CDH18: variants seen among roughly 807,000 people sequenced by gnomAD.
The protein encoded by CDH18 is cadherin-18.
Under a neutral mutation model 67.9 loss-of-function variants are expected in CDH18, and 31 were observed. That is an observed-to-expected ratio of 0.46 (90% CI 0.34 to 0.62). The LOEUF (loss-of-function observed/expected upper bound fraction) is 0.62, where lower values mean the gene tolerates loss of function less well. Ranked by LOEUF, CDH18 falls within the 20% of genes least tolerant of loss-of-function variation. The pLI is 0.01. For missense variants in CDH18, 890 were observed against 975.5 expected, an observed-to-expected ratio of 0.91 and a Z score of 1.17; for synonymous variants, 362 against 347.2, an observed-to-expected ratio of 1.04 and a Z score of -0.48.
chr5:19,555,238 C>T (rs2127170185), intron 8 of CDH18, among the ~76,000 whole-genome samples: 1 of 152,266 alleles, frequency 6.6e-6, no homozygotes, highest in East Asian at 1.9e-4. Context: ...CAAGAACTAC[C>T]ACAGGAACAT....
At chr5:19,508,263 T>C (rs900643992) in intron 10 of CDH18, among the ~76,000 whole-genome samples, 4 of 152,142 alleles carry the variant, frequency 2.6e-5, no homozygotes, top group African/African-American at 4.8e-5. Flanking sequence ...AACATGTTTA[T>C]GGTTTTTAGA....
At chr5:20,489,353 T>C (rs1027985578) in intron 1 of CDH18, among the ~76,000 whole-genome samples, 1 of 152,074 alleles carries the variant, frequency 6.6e-6, no homozygotes, top group Non-Finnish European at 1.5e-5. Context: ...TACATGTGGG[T>C]AAATTGGTCC....
At chr5:20,086,788 T>C (rs1744992341) in intron 2 of CDH18, among the ~76,000 whole-genome samples, 1 of 152,150 alleles carries the variant, frequency 6.6e-6, no homozygotes, top group Admixed American at 6.5e-5. Context: ...ATACTAATGC[T>C]CATTGATAAG....
intron 2 of CDH18, among the ~76,000 whole-genome samples, chr5:20,088,876 G>C (rs1252963596): frequency 6.6e-6 from 1 of 152,098 alleles, no homozygotes; most frequent in Non-Finnish European, 1.5e-5. Context: ...TTGTTCTGAT[G>C]TGACTCACTA....
intron 2 of CDH18, among the ~76,000 whole-genome samples, chr5:20,206,650 C>A (rs554458450): frequency 6.6e-6 from 1 of 151,812 alleles, no homozygotes; most frequent in East Asian, 1.9e-4. Flanking sequence ...GGGTTCATCC[C>A]AGGATAAGTA....
chr5:19,580,902 A>T (rs546336585), intron 7 of CDH18, among the ~76,000 whole-genome samples: 91 of 152,060 alleles, frequency 6.0e-4, no homozygotes, highest in African/African-American at 2.0e-3. Flanking sequence ...TTTTTAGTGG[A>T]ATATAATAAA....
intron 4 of CDH18, among the ~76,000 whole-genome samples, chr5:19,731,344 G>A (rs558844163): frequency 2.6e-5 from 4 of 152,206 alleles, no homozygotes; most frequent in African/African-American, 7.2e-5. Flanking sequence ...CCAGCTACTC[G>A]GGAGGCTGAG....
intron 5 of CDH18, among the ~76,000 whole-genome samples, chr5:19,627,394 C>T (rs1751708192): frequency 6.6e-6 from 1 of 152,196 alleles, no homozygotes; most frequent in Non-Finnish European, 1.5e-5. Context: ...TAAGCCAGAA[C>T]AAAACTTACT....
intron 3 of CDH18, among the ~76,000 whole-genome samples, chr5:19,831,569 TCAGA>T: frequency 6.6e-6 from 1 of 151,852 alleles, no homozygotes. Context: ...CTCACACCAG[TCAGA>T]ATGGCTATCA....
At chr5:19,516,475 GT>G (rs1746021188) in intron 10 of CDH18, among the ~76,000 whole-genome samples, 1 of 151,810 alleles carries the variant, frequency 6.6e-6, no homozygotes, top group Non-Finnish European at 1.5e-5. Context: ...AATAAGTCTG[GT>G]CCTAGACTTT....
intron 2 of CDH18, among the ~76,000 whole-genome samples, chr5:20,047,800 C>T (rs1172380359): frequency 6.6e-6 from 1 of 151,666 alleles, no homozygotes; most frequent in Non-Finnish European, 1.5e-5. Context: ...AAACTGCTTC[C>T]TAAGAGTTTT....
chr5:20,299,422 ACACACAC>A (rs1747782914), intron 1 of CDH18, among the ~76,000 whole-genome samples: 1 of 146,638 alleles, frequency 6.8e-6, no homozygotes, highest in South Asian at 2.2e-4. Flanking sequence ...ACACACACAC[ACACACAC>A]ACACACACAC....
intron 1 of CDH18, among the ~76,000 whole-genome samples, chr5:20,311,672 A>G (rs1737007216): frequency 6.6e-6 from 1 of 152,154 alleles, no homozygotes; most frequent in Admixed American, 6.5e-5. Flanking sequence ...GAGGGATAGC[A>G]TTAGGAGAAA....
intron 1 of CDH18, among the ~76,000 whole-genome samples, chr5:20,403,897 C>T (rs112603768): frequency 0.073 from 11,092 of 152,228 alleles, 465 homozygotes; most frequent in African/African-American, 0.11. Flanking sequence ...ATGGAAGCTT[C>T]TTCCAATATA....
chr5:20,284,784 T>C (rs151186179), intron 1 of CDH18, among the ~76,000 whole-genome samples: 2 of 152,008 alleles, frequency 1.3e-5, no homozygotes, highest in East Asian at 1.9e-4. Flanking sequence ...CAAATTATTA[T>C]AGAATATTTT....
chr5:19,840,348 A>G (rs1410032066), intron 2 of CDH18, among the ~76,000 whole-genome samples: 1 of 152,144 alleles, frequency 6.6e-6, no homozygotes, highest in African/African-American at 2.4e-5. Context: ...ATTGGGCAAC[A>G]AAGTAAAACA....
chr5:19,518,524 C>CTGCCAGACTAATCAGA (rs879809656), intron 10 of CDH18, among the ~76,000 whole-genome samples: 1 of 152,132 alleles, frequency 6.6e-6, no homozygotes, highest in Non-Finnish European at 1.5e-5. Context: ...ATCTAATCAG[C>CTGCCAGACTAATCAGA]TGCCAGACAG....
At chr5:19,743,482 G>A (rs1001091456) in intron 4 of CDH18, among the ~76,000 whole-genome samples, 5 of 152,132 alleles carry the variant, frequency 3.3e-5, no homozygotes, top group African/African-American at 7.2e-5. Context: ...TGCCATTGCC[G>A]TGCCAAAACT....
chr5:20,470,592 C>A (rs1227722864), intron 1 of CDH18, among the ~76,000 whole-genome samples: 1 of 152,088 alleles, frequency 6.6e-6, no homozygotes, highest in African/African-American at 2.4e-5. Context: ...CACATCCATG[C>A]CTGCATACAT....
Sources: gnomAD v4.1 joint callset for allele counts (sites outside exome capture counted in the v4.1 genomes callset) on GRCh38, gnomAD v4.1.1 for gene constraint, MANE v1.5 for transcripts, NCBI Gene and HGNC (gene_info 2026-07-23, HGNC 2026-07-21) for gene names.